The following TUSC3 variants were observed in gnomAD, a reference collection of about 807,000 sequenced individuals.
TUSC3 encodes tumor suppressor candidate 3.
TUSC3 carries 45 observed loss-of-function variants against 44.8 expected under a neutral mutation model. That is an observed-to-expected ratio of 1.00 (90% CI 0.79 to 1.29). The LOEUF is 1.29. Ranked by LOEUF, TUSC3 falls within the 50% of genes most tolerant of loss-of-function variation. The pLI is 0.00. For synonymous variants in TUSC3, 212 were observed against 152.9 expected, an observed-to-expected ratio of 1.39 and a Z score of -2.85; for missense variants, 519 against 437.9, an observed-to-expected ratio of 1.19 and a Z score of -1.65.
intron 1 of TUSC3, 68 bp from the exon 2 acceptor site, chr8:15,623,012 A>G (rs1805321182): frequency 6.7e-7 from 1 of 1,496,138 alleles, no homozygotes; most frequent in South Asian, 1.2e-5. Flanking sequence ...CATTTTATGC[A>G]TTTATATGAA....
At chr8:15,843,808 C>T in the TUSC3 span, among the ~76,000 whole-genome samples, 1 of 151,922 alleles carries the variant, frequency 6.6e-6, no homozygotes, top group African/African-American at 2.4e-5. Flanking sequence ...TCTTATGAAA[C>T]ATAGCTTTGT....
chr8:15,696,016 T>C (rs28805335), intron 6 of TUSC3, among the ~76,000 whole-genome samples: 17,855 of 152,178 alleles, frequency 0.12, 1,357 homozygotes, highest in East Asian at 0.26. Context: ...AAAACCCATT[T>C]TCTGAGGAGA....
At chr8:15,472,863 G>A (rs1800512617) in intron 1 of TUSC3, among the ~76,000 whole-genome samples, 2 of 152,170 alleles carry the variant, frequency 1.3e-5, no homozygotes, top group South Asian at 4.1e-4. Context: ...TATGTTTATG[G>A]TGGAATATAC....
chr8:15,585,051 TTC>T (rs760755345), intron 1 of TUSC3, among the ~76,000 whole-genome samples: 1 of 152,194 alleles, frequency 6.6e-6, no homozygotes, highest in Non-Finnish European at 1.5e-5. Flanking sequence ...TAAAATAAGA[TTC>T]TTGAAATCAT....
the TUSC3 span, among the ~76,000 whole-genome samples, chr8:15,818,809 G>A: frequency 0.17 from 26,493 of 152,166 alleles, 2,477 homozygotes; most frequent in Admixed American, 0.28. Context: ...CCCTACTCAG[G>A]AAAATCATAC....
At chr8:15,695,072 G>T (rs182711655) in intron 6 of TUSC3, among the ~76,000 whole-genome samples, 4 of 152,192 alleles carry the variant, frequency 2.6e-5, no homozygotes, top group African/African-American at 9.7e-5. Flanking sequence ...CAGTGGCAGC[G>T]CAGCGTTTGC....
chr8:15,816,356 G>T, the TUSC3 span, among the ~76,000 whole-genome samples: 1 of 152,086 alleles, frequency 6.6e-6, no homozygotes, highest in African/African-American at 2.4e-5. Context: ...ATAATGGAAG[G>T]GGTGGCAATG....
intron 6 of TUSC3, among the ~76,000 whole-genome samples, chr8:15,705,163 A>G (rs1421259): frequency 0.63 from 94,899 of 151,426 alleles, 29,911 homozygotes; most frequent in Admixed American, 0.68. Context: ...AATTAGAGCC[A>G]TAGTTACCAA....
intron 6 of TUSC3, among the ~76,000 whole-genome samples, chr8:15,691,167 T>C (rs900592439): frequency 6.6e-6 from 1 of 152,044 alleles, no homozygotes. Context: ...GTTTGTATCA[T>C]CTCTGATTTC....
At chr8:15,626,245 A>G (rs1193494916) in intron 2 of TUSC3, among the ~76,000 whole-genome samples, 1 of 152,116 alleles carries the variant, frequency 6.6e-6, no homozygotes, top group Non-Finnish European at 1.5e-5. Context: ...TGCCACTTCT[A>G]CGGGGAATAG....
chr8:15,554,074 C>G (rs563087220), intron 1 of TUSC3, among the ~76,000 whole-genome samples: 7 of 151,670 alleles, frequency 4.6e-5, no homozygotes, highest in Admixed American at 2.6e-4. Flanking sequence ...CCCACTTTCT[C>G]GGAGATGGCA....
At chr8:15,679,775 A>G (rs1042727199) in intron 6 of TUSC3, among the ~76,000 whole-genome samples, 1 of 152,144 alleles carries the variant, frequency 6.6e-6, no homozygotes, top group African/African-American at 2.4e-5. Context: ...TATATATGGA[A>G]AGCTAGGGAT....
chr8:15,489,077 G>C lies in TUSC3; in HGVS notation n.189+5594G>C, dbSNP rs1031160028. On this transcript the variant is annotated intron_variant and non_coding_transcript_variant, in intron 2 of 5. Transcript: ENST00000503191. The stretch of plus-strand genomic sequence containing the variant: ...ATGAGTGACCAAGACTGAGGGCAGA[G>C]TCTCAAGAGGTCCTGAAAACATGTG... 3.3e-5 allele frequency among the ~76,000 whole-genome samples: 5 copies of C among 152,316 alleles called. No homozygotes were observed. The South Asian group carries it at 1.0e-3, about 32-fold the overall frequency.
intron 6 of TUSC3, among the ~76,000 whole-genome samples, chr8:15,726,494 G>A (rs1810501956): frequency 6.6e-6 from 1 of 151,768 alleles, no homozygotes; most frequent in Non-Finnish European, 1.5e-5. Flanking sequence ...ATTTTATGTT[G>A]GTTCATATGC....
chr8:15,747,352 A>G (rs576668481), intron 8 of TUSC3, among the ~76,000 whole-genome samples: 5 of 152,104 alleles, frequency 3.3e-5, no homozygotes, highest in African/African-American at 9.6e-5. Flanking sequence ...TCTGAAGTGA[A>G]TAAAAGGTGT....
chr8:15,809,268 T>A, the TUSC3 span, among the ~76,000 whole-genome samples: 2 of 152,176 alleles, frequency 1.3e-5, no homozygotes, highest in African/African-American at 2.4e-5. Flanking sequence ...GGTCACAGTA[T>A]TTCCATAAAT....
At chr8:15,443,712 G>C (rs937230147) in intron 1 of TUSC3, among the ~76,000 whole-genome samples, 1 of 152,122 alleles carries the variant, frequency 6.6e-6, no homozygotes, top group African/African-American at 2.4e-5. Flanking sequence ...TAACAAACTA[G>C]CCACAAGATG....
chr8:15,556,157 TC>T (rs1374373092), intron 1 of TUSC3, among the ~76,000 whole-genome samples: 2 of 63,836 alleles, frequency 3.1e-5, no homozygotes, highest in African/African-American at 6.2e-5. Context: ...CCCTCCCCCC[TC>T]CCCCCACCCC....
At chr8:15,732,784 G>A (rs1810778470) in intron 7 of TUSC3, among the ~76,000 whole-genome samples, 1 of 152,122 alleles carries the variant, frequency 6.6e-6, no homozygotes. Flanking sequence ...GCAGGAGAAC[G>A]AAAAGATACC....
Sources: gnomAD v4.1 joint callset for allele counts (sites outside exome capture counted in the v4.1 genomes callset) on GRCh38, gnomAD v4.1.1 for gene constraint, MANE v1.5 for transcripts, NCBI Gene and HGNC (gene_info 2026-07-23, HGNC 2026-07-21) for gene names.